The following GOLM1 variants were observed in gnomAD, a reference collection of about 807,000 sequenced individuals.
GOLM1 encodes golgi membrane protein 1.
GOLM1 carries 31 observed loss-of-function variants against 50.5 expected under a neutral mutation model. The observed-to-expected ratio is 0.61, with a 90% CI of 0.46 to 0.83. GOLM1 has a LOEUF of 0.83. GOLM1 is among the 40% of genes least tolerant of loss of function. The pLI is 0.00. For missense variants in GOLM1, 491 were observed against 501.3 expected (o/e 0.98, Z 0.20); for synonymous variants, 178 against 192.8 (o/e 0.92, Z 0.64).
At chr9:86,098,743 A>T (rs1835428694) in intron 1 of GOLM1, among the ~76,000 whole-genome samples, 1 of 152,274 alleles carries the variant, frequency 6.6e-6, no homozygotes, top group Admixed American at 6.5e-5. Context: ...ACAGCAGGGC[A>T]AAGTTGTGTG....
At chr9:86,071,361 G>A (rs1180733835) in intron 3 of GOLM1, among the ~76,000 whole-genome samples, 1 of 152,028 alleles carries the variant, frequency 6.6e-6, no homozygotes, top group Non-Finnish European at 1.5e-5. Flanking sequence ...GCCTCCCAAA[G>A]CACCTATTTT....
At chr9:86,036,586 G>A in intron 6 of GOLM1, 79 bp from the exon 7 acceptor site, 1 of 1,428,704 alleles carries the variant, frequency 7.0e-7, no homozygotes, top group Non-Finnish European at 9.6e-7. Flanking sequence ...CCAATGCAAT[G>A]AATCCCACCA....
chr9:86,035,741 G>T, intron 7 of GOLM1, 116 bp from the exon 8 acceptor site: 2 of 950,526 alleles, frequency 2.1e-6, no homozygotes, highest in Non-Finnish European at 3.1e-6. Flanking sequence ...AAGGAGTGGG[G>T]GTGGGGTGGG....
At chr9:86,080,244 C>G (rs1834746421) in intron 1 of GOLM1, 1 of 152,212 alleles carries the variant, frequency 6.6e-6, no homozygotes, top group Non-Finnish European at 1.5e-5. Context: ...AAAAATACAG[C>G]TTAGAAGAAA....
chr9:86,091,744 G>T (rs1835191820), intron 1 of GOLM1, among the ~76,000 whole-genome samples: 1 of 152,094 alleles, frequency 6.6e-6, no homozygotes, highest in Admixed American at 6.5e-5. Flanking sequence ...CCCTTGCAAG[G>T]CCTTTTGTTA....
chr9:86,065,358 A>C (rs1463875384), intron 3 of GOLM1, among the ~76,000 whole-genome samples: 4 of 152,190 alleles, frequency 2.6e-5, no homozygotes, highest in Non-Finnish European at 5.9e-5. Flanking sequence ...GACCCGGAAA[A>C]TCGGTGAGAA....
At chr9:86,035,889 A>AAAAAC (rs1833124903) in intron 7 of GOLM1, among the ~76,000 whole-genome samples, 4 of 150,384 alleles carry the variant, frequency 2.7e-5, no homozygotes, top group African/African-American at 7.4e-5. Flanking sequence ...AAAACAAAAA[A>AAAAAC]AAAAAAACAC....
At chr9:86,058,007 C>T (rs1834041362) in intron 3 of GOLM1, among the ~76,000 whole-genome samples, 1 of 152,242 alleles carries the variant, frequency 6.6e-6, no homozygotes, top group Admixed American at 6.5e-5. Flanking sequence ...GCCTGGAAAA[C>T]TTCTTTGTAC....
At chr9:86,053,599 C>CACCAGA (rs1833870414) in intron 3 of GOLM1, among the ~76,000 whole-genome samples, 2 of 46,176 alleles carry the variant, frequency 4.3e-5, no homozygotes, top group African/African-American at 1.4e-4. Context: ...CACCACTCCA[C>CACCAGA]ACACACATCA....
At position 86,072,935 on chromosome 9, in the gene GOLM1, A is replaced by C. The variant is rs192935794; in HGVS notation, c.309+4477T>G. ...ATTTGTGTATCTAAACACAGAAAAGATACAGTAAAAGTAGTAAGTATTTGT... is the reference window on the plus strand; with the variant it reads ...ATTTGTGTATCTAAACACAGAAAAGCTACAGTAAAAGTAGTAAGTATTTGT... On this transcript the variant is annotated intron_variant, in intron 3 of 9. Coordinates refer to ENST00000388712, the MANE Select transcript of GOLM1 (RefSeq NM_016548.4). Among the ~76,000 whole-genome samples, 16 of 152,358 alleles carry C rather than the reference A, an allele frequency of 1.1e-4. No homozygotes were observed. The Middle Eastern group carries it at 0.01, about 97-fold the overall frequency.
In GOLM1 at chr9:86,035,616, T is replaced by C. The variant is rs148028742; in HGVS notation, c.767A>G (p.Asn256Ser). ...CTCCTCATTCACCACCTGGATCTCATTGGTTTCCTCTGTGCACAGAACACA... is the reference window on the plus strand; with the variant it reads ...CTCCTCATTCACCACCTGGATCTCACTGGTTTCCTCTGTGCACAGAACACA... Reference protein sequence around the residue: ...SKRQVEKEETNEIQVVNEEPQ... With the variant: ...SKRQVEKEETSEIQVVNEEPQ... The change falls in exon 8 of 10, where the codon AAT (asparagine) becomes AGT (serine). Residue 256 changes from asparagine to serine, a missense_variant. Coordinates refer to ENST00000388712, the MANE Select transcript of GOLM1 (RefSeq NM_016548.4). 2.3e-4 allele frequency: 360 copies of C among 1,598,166 alleles called. 2 individuals are homozygous for C. The Middle Eastern group carries it at 4.8e-3, about 21-fold the overall frequency.
At chr9:86,094,355 C>T in intron 1 of GOLM1, among the ~76,000 whole-genome samples, 1 of 152,078 alleles carries the variant, frequency 6.6e-6, no homozygotes, top group African/African-American at 2.4e-5. Context: ...TGCCTCTAAC[C>T]CATTGGGATT....
At chr9:86,083,728 T>C (rs1169315127) in intron 1 of GOLM1, among the ~76,000 whole-genome samples, 1 of 152,250 alleles carries the variant, frequency 6.6e-6, no homozygotes, top group Non-Finnish European at 1.5e-5. Flanking sequence ...AATCTGCAGA[T>C]GTGGAACTGT....
chr9:86,098,129 A>C (rs1022680690), intron 1 of GOLM1, among the ~76,000 whole-genome samples: 4 of 152,216 alleles, frequency 2.6e-5, no homozygotes, highest in Admixed American at 2.0e-4. Context: ...ATGTATCTTA[A>C]AAGCTAACCT....
chr9:86,069,522 C>T (rs1834391508), intron 3 of GOLM1, among the ~76,000 whole-genome samples: 4 of 152,316 alleles, frequency 2.6e-5, no homozygotes, highest in South Asian at 4.1e-4. Flanking sequence ...TATTTACTCT[C>T]GAATGAGCAC....
chr9:86,055,354 G>A (rs931722866), intron 3 of GOLM1, among the ~76,000 whole-genome samples: 3 of 152,068 alleles, frequency 2.0e-5, no homozygotes, highest in East Asian at 1.9e-4. Context: ...TCAGATTTAC[G>A]CAGCACCTGC....
chr9:86,033,702 G>C (rs970499926), intron 8 of GOLM1, among the ~76,000 whole-genome samples: 1 of 152,192 alleles, frequency 6.6e-6, no homozygotes, highest in African/African-American at 2.4e-5. Flanking sequence ...CAAGATAAAA[G>C]AAAGGTGCCA....
intron 1 of GOLM1, among the ~76,000 whole-genome samples, chr9:86,095,979 A>G (rs1835344825): frequency 6.6e-6 from 1 of 152,204 alleles, no homozygotes; most frequent in Non-Finnish European, 1.5e-5. Context: ...TACTATTTGC[A>G]TGAATTTTGG....
chr9:86,060,904 AAAAAAAAAAAG>A (rs1440017219), intron 3 of GOLM1, among the ~76,000 whole-genome samples: 6 of 75,282 alleles, frequency 8.0e-5, no homozygotes, highest in African/African-American at 3.8e-4. Context: ...AAAAAAAAAA[AAAAAAAAAAAG>A]AAGAAGAAGA....
Sources: gnomAD v4.1 joint callset for allele counts (sites outside exome capture counted in the v4.1 genomes callset) on GRCh38, gnomAD v4.1.1 for gene constraint, MANE v1.5 for transcripts, NCBI Gene and HGNC (gene_info 2026-07-23, HGNC 2026-07-21) for gene names.